The following TM9SF3 variants were observed in gnomAD, a reference collection of about 807,000 sequenced individuals.
TM9SF3 encodes transmembrane 9 superfamily member 3, also known as SM-11044-binding protein.
Under a neutral mutation model 78.6 loss-of-function variants are expected in TM9SF3, and 14 were observed. The ratio of observed to expected loss-of-function variants is 0.18; its 90% confidence interval spans 0.12 to 0.28. The LOEUF (loss-of-function observed/expected upper bound fraction) is 0.28. Ranked by LOEUF, TM9SF3 falls within the 10% of genes least tolerant of loss-of-function variation. The pLI, the probability that TM9SF3 is intolerant of heterozygous loss-of-function variation, is 1.00. For synonymous variants in TM9SF3, 231 were observed against 241.7 expected, an observed-to-expected ratio of 0.96 and a Z score of 0.41; for missense variants, 496 against 721.9, an observed-to-expected ratio of 0.69 and a Z score of 3.59.
At position 96,553,062 on chromosome 10, in the gene TM9SF3, A is replaced by G; in HGVS notation, c.661-3T>C. On this transcript the variant is annotated splice_polypyrimidine_tract_variant and splice_region_variant and intron_variant, in intron 5 of 14. Transcript: ENST00000371142. ...TTGAAAATTGAAAACCAATGAATCT[A>G]AAATAACAGAAAATAAAATGTTACC... The G allele has an allele frequency of 6.3e-7, 1 of 1,585,836 alleles. No homozygotes were observed. The highest frequency in any genetic ancestry group is 8.5e-7 in the Non-Finnish European group (1 of 1,171,646).
chr10:96,540,229 T>C (rs1402481829), intron 9 of TM9SF3, among the ~76,000 whole-genome samples: 3 of 152,190 alleles, frequency 2.0e-5, no homozygotes, highest in Middle Eastern at 3.2e-3. Context: ...TTTGAATAGG[T>C]CAGAATCAAG....
chr10:96,527,805 G>A (rs1184773440), intron 12 of TM9SF3, among the ~76,000 whole-genome samples: 1 of 151,794 alleles, frequency 6.6e-6, no homozygotes, highest in Non-Finnish European at 1.5e-5. Context: ...TTCATATCAA[G>A]CACTTTGTAA....
At chr10:96,526,083 G>T (rs1364623685) in intron 14 of TM9SF3, among the ~76,000 whole-genome samples, 4 of 152,052 alleles carry the variant, frequency 2.6e-5, no homozygotes, top group Non-Finnish European at 5.9e-5. Flanking sequence ...TTTAATCACT[G>T]AATCCTCTTT....
chr10:96,574,329 A>G (rs1206846616), intron 2 of TM9SF3, among the ~76,000 whole-genome samples: 1 of 152,242 alleles, frequency 6.6e-6, no homozygotes, highest in Non-Finnish European at 1.5e-5. Context: ...AAAAAAGCTC[A>G]TCATCACCGG....
At chr10:96,535,405 G>A (rs1384859885) in intron 9 of TM9SF3, among the ~76,000 whole-genome samples, 1 of 152,172 alleles carries the variant, frequency 6.6e-6, no homozygotes, top group Non-Finnish European at 1.5e-5. Flanking sequence ...ATTGGGTGCT[G>A]AAGATAAGTA....
intron 2 of TM9SF3, among the ~76,000 whole-genome samples, chr10:96,565,800 A>G (rs1250319426): frequency 6.6e-6 from 1 of 152,216 alleles, no homozygotes. Context: ...GCTCAAGAAT[A>G]TGGTCATAAA....
intron 5 of TM9SF3, among the ~76,000 whole-genome samples, chr10:96,554,794 A>G (rs1262916638): frequency 2.0e-5 from 3 of 152,232 alleles, no homozygotes; most frequent in African/African-American, 7.2e-5. Flanking sequence ...AAGTACACTC[A>G]TAATCTTCCA....
intron 5 of TM9SF3, among the ~76,000 whole-genome samples, chr10:96,553,496 T>TATA (rs1765096622): frequency 1.3e-5 from 2 of 152,180 alleles, no homozygotes. Flanking sequence ...ATAATGTATA[T>TATA]ATAAAGTATG....
rs1443316687 is a variant in TM9SF3, at chr10:96,518,274, T to G, written c.*3989A>C. 1 of 152,108 alleles carries G rather than the reference T, an allele frequency of 6.6e-6. No homozygotes were observed. The highest frequency in any genetic ancestry group is 2.4e-5 in the African/African-American group (1 of 41,432). The allele number at this position is 152,108 out of a possible 1,614,324, so 9.4% of individuals were successfully genotyped here. A position where few individuals can be genotyped will look rare whatever the true frequency, so the allele number is the denominator to read the frequency against. Reference sequence around the variant, plus strand: ...CCAAAGAGTGTATACAAAATGGAAGTGGTCATCAGGCAATAATTGTTTCCT... The same window carrying G: ...CCAAAGAGTGTATACAAAATGGAAGGGGTCATCAGGCAATAATTGTTTCCT... On this transcript the variant is annotated 3_prime_UTR_variant, in exon 15 of 15. Coordinates refer to ENST00000371142, the MANE Select transcript of TM9SF3 (RefSeq NM_020123.4).
chr10:96,554,379 T>C (rs1349703798), intron 5 of TM9SF3, among the ~76,000 whole-genome samples: 1 of 152,136 alleles, frequency 6.6e-6, no homozygotes, highest in Non-Finnish European at 1.5e-5. Flanking sequence ...ACAATCTCAC[T>C]TTTGCCCCAC....
intron 1 of TM9SF3, 130 bp from the exon 2 acceptor site, chr10:96,576,959 A>C (rs1019410254): frequency 4.4e-5 from 28 of 631,772 alleles, no homozygotes; most frequent in Non-Finnish European, 6.7e-5. Flanking sequence ...AAATACTGGA[A>C]GCTTAATCTG....
intron 1 of TM9SF3, among the ~76,000 whole-genome samples, chr10:96,583,821 G>A (rs1280046728): frequency 6.6e-6 from 1 of 152,064 alleles, no homozygotes; most frequent in African/African-American, 2.4e-5. Context: ...ATCACCTGAG[G>A]TCAGGAGTTC....
At chr10:96,523,232 G>C (rs565324993) in intron 14 of TM9SF3, among the ~76,000 whole-genome samples, 1 of 151,844 alleles carries the variant, frequency 6.6e-6, no homozygotes, top group East Asian at 1.9e-4. Context: ...TTGGCCTCAG[G>C]AATTTATGAT....
chr10:96,548,514 T>C (rs982423323), intron 7 of TM9SF3, among the ~76,000 whole-genome samples: 5 of 152,116 alleles, frequency 3.3e-5, no homozygotes, highest in Admixed American at 2.0e-4. Flanking sequence ...AAATGATTTT[T>C]AGGCCGCGCA....
At chr10:96,559,950 G>A (rs1361482446) in intron 4 of TM9SF3, among the ~76,000 whole-genome samples, 2 of 152,214 alleles carry the variant, frequency 1.3e-5, no homozygotes, top group African/African-American at 2.4e-5. Flanking sequence ...ACTTTCCTCA[G>A]AGGGGTGATT....
At position 96,575,477 on chromosome 10, in the gene TM9SF3, G is replaced by A. The variant is rs868705680; in HGVS notation, c.298+1157C>T. Among the ~76,000 whole-genome samples, 49 of 149,192 alleles carry A rather than the reference G, an allele frequency of 3.3e-4. No homozygotes were observed. In the Middle Eastern group the frequency reaches 0.021, roughly 64 times the overall value. On this transcript the variant is annotated intron_variant, in intron 2 of 14. Transcript: ENST00000371142. ...TATAAACGGGGGGATGGGGAGGGGG[G>A]AGAATGTAAATAGATACGGTATACC...
At chr10:96,540,625 T>TC (rs1037506004) in intron 9 of TM9SF3, among the ~76,000 whole-genome samples, 87 of 152,112 alleles carry the variant, frequency 5.7e-4, no homozygotes, top group African/African-American at 2.0e-3. Context: ...TTCTTTTTTT[T>TC]TTTTTACTTT....
At chr10:96,562,338 G>A (rs572877495) in intron 3 of TM9SF3, among the ~76,000 whole-genome samples, 200 bp from the exon 4 acceptor site, 5 of 150,616 alleles carry the variant, frequency 3.3e-5, no homozygotes, top group East Asian at 2.0e-4. Context: ...AGCAGATGCC[G>A]CTATGCTTCC....
chr10:96,579,067 G>A (rs1397331172), intron 1 of TM9SF3, among the ~76,000 whole-genome samples: 4 of 152,188 alleles, frequency 2.6e-5, no homozygotes, highest in Admixed American at 2.0e-4. Flanking sequence ...AACAGGGCGA[G>A]ACTCAGTCTC....
Sources: allele counts gnomAD v4.1 joint callset (sites outside exome capture counted in the v4.1 genomes callset), GRCh38; gene constraint gnomAD v4.1.1; transcripts MANE v1.5; gene names NCBI Gene and HGNC (gene_info 2026-07-23, HGNC 2026-07-21).